The following B9D1 variants were observed in gnomAD, a reference collection of about 807,000 sequenced individuals.
The protein encoded by B9D1 is B9 domain-containing protein 1.
Under a neutral mutation model 26.1 loss-of-function variants are expected in B9D1, and 20 were observed. The ratio of observed to expected loss-of-function variants is 0.77; its 90% CI spans 0.54 to 1.12. B9D1 has a LOEUF of 1.12. Ranked by LOEUF, B9D1 falls within the 50% of genes most tolerant of loss-of-function variation. B9D1 has a pLI of 0.00. For missense variants in B9D1, 260 were observed against 273.7 expected (o/e 0.95, Z 0.35); for synonymous variants, 105 against 103.1 (o/e 1.02, Z -0.11).
chr17:19,360,420 G>C, intron 1 of B9D1, 32 bp from the exon 2 acceptor site: 3 of 1,599,844 alleles, frequency 1.9e-6, no homozygotes, highest in Non-Finnish European at 2.6e-6. Context: ...TCTGTCGACT[G>C]GTATTCATGC....
intron 3 of B9D1, among the ~76,000 whole-genome samples, chr17:19,352,869 T>C (rs1909815885): frequency 6.6e-6 from 1 of 152,174 alleles, no homozygotes; most frequent in Admixed American, 6.5e-5. Flanking sequence ...GGTTTCACCA[T>C]GTTGGCCAGG....
chr17:19,364,166 G>A (rs904080140), upstream of B9D1, among the ~76,000 whole-genome samples: 1 of 150,626 alleles, frequency 6.6e-6, no homozygotes, highest in Admixed American at 6.6e-5. The surrounding 1 kb of genome is among the most constrained non-coding windows in gnomAD (Gnocchi z 4.3). Context: ...GGGGCTCCCA[G>A]TAGTTTAAGA....
downstream of B9D1, chr17:19,342,946 G>GTGT (rs1908143895): frequency 2.4e-6 from 1 of 412,164 alleles, no homozygotes; most frequent in Non-Finnish European, 3.7e-6. Flanking sequence ...AAGGAACAAT[G>GTGT]TGTTGCGGTA....
At position 19,362,694 on chromosome 17, in the gene B9D1, G is replaced by T; in HGVS notation, c.-125C>A. 6.6e-7 allele frequency: 1 copy of T among 1,523,436 alleles called. No homozygotes were observed. The allele number at this position is 1,523,436 out of a possible 1,614,324, so 94.4% of individuals were successfully genotyped here. ...CGTTTCTTGGCAGCGACACCTTCGCGAAGGCCACGCGAGTGCGCGTGTGGC... is the reference window on the plus strand; with the variant it reads ...CGTTTCTTGGCAGCGACACCTTCGCTAAGGCCACGCGAGTGCGCGTGTGGC... On this transcript the variant is annotated 5_prime_UTR_variant, in exon 1 of 7. Coordinates refer to ENST00000261499, the MANE Select transcript of B9D1 (RefSeq NM_015681.6).
chr17:19,335,267 C>G, downstream of B9D1: 1 of 803,776 alleles, frequency 1.2e-6, no homozygotes, highest in South Asian at 2.4e-5. Context: ...AACTGATTGA[C>G]TTTCAGCCTT....
chr17:19,362,705 G>T lies in B9D1; in HGVS notation c.-136C>A. The T allele has an allele frequency of 2.0e-6, 3 of 1,527,884 alleles. No individual in the cohort carries two copies. Among genetic ancestry groups the T allele is most frequent in the South Asian group, 2.4e-5 (2 of 83,488 alleles). 94.6% of individuals were successfully genotyped at this position (1,527,884 alleles called of 1,614,324 possible). ...AGCGACACCTTCGCGAAGGCCACGC[G>T]AGTGCGCGTGTGGCATGCGCAGGCG... On this transcript the variant is annotated 5_prime_UTR_variant, in exon 1 of 7. It introduces an in-frame stop codon into an upstream open reading frame of the 5' UTR. Coordinates refer to ENST00000261499, the MANE Select transcript of B9D1 (RefSeq NM_015681.6).
At chr17:19,348,673 C>T (rs1909190159) in intron 3 of B9D1, among the ~76,000 whole-genome samples, 1 of 152,234 alleles carries the variant, frequency 6.6e-6, no homozygotes, top group Non-Finnish European at 1.5e-5. Context: ...GAAACTACCT[C>T]TTTACTTTTC....
At chr17:19,351,087 C>A (rs1021471605) in intron 3 of B9D1, among the ~76,000 whole-genome samples, 1 of 152,138 alleles carries the variant, frequency 6.6e-6, no homozygotes, top group South Asian at 2.1e-4. Context: ...GATCTGCCTG[C>A]CTCGGCCTCC....
Position 19,343,797 on chromosome 17 carries a change from G to T in B9D1, c.465C>A (p.Gly155=), listed in dbSNP as rs748971385. The change falls in exon 6 of 7, where the codon GGC becomes GGA. Residue 155 remains glycine (G), a synonymous_variant. Transcript: ENST00000261499. The part of the protein sequence containing the change: ...TDPKVVAQGE[G]REVTRVRSQG... ...GAGGGGAGGGAGCTTTACCTTCCCGGCCTTCACCCTGAGCCACCACCTTGG... is the reference window on the plus strand; with the variant it reads ...GAGGGGAGGGAGCTTTACCTTCCCGTCCTTCACCCTGAGCCACCACCTTGG... 6.2e-7 allele frequency: 1 copy of T among 1,613,356 alleles called. No individual in the cohort carries two copies. Among genetic ancestry groups the T allele is most frequent in the Non-Finnish European group, 8.5e-7 (1 of 1,179,448 alleles).
chr17:19,347,910 C>G lies in B9D1; in HGVS notation c.245-30G>C. ...GGAAGGACAAGGCAGGGGGTGGGCA[C>G]ATGAGGACACACAGGGGAGGTGCAG... is the stretch of plus-strand genomic sequence containing the variant. On this transcript the variant is annotated intron_variant, in intron 3 of 6. Coordinates refer to ENST00000261499, the MANE Select transcript of B9D1 (RefSeq NM_015681.6). The surrounding 1 kb of genome is among the most constrained non-coding windows in gnomAD (Gnocchi z 4.3). The G allele has an allele frequency of 6.3e-7, 1 of 1,589,006 alleles. No homozygotes were observed. The highest frequency in any genetic ancestry group is 8.6e-7 in the Non-Finnish European group (1 of 1,157,952).
chr17:19,344,063 C>T (rs1908363477), intron 5 of B9D1, among the ~76,000 whole-genome samples: 1 of 152,254 alleles, frequency 6.6e-6, no homozygotes, highest in Non-Finnish European at 1.5e-5. Flanking sequence ...GTCACACAGC[C>T]TAGCCAGGCC....
Position 19,347,012 on chromosome 17 carries a change from A to G in B9D1, c.404+257T>C. Reference sequence around the variant, plus strand: ...ATGAGCATTTTTCCCATCTGACAAGAGTTTTTCCTCTGCTCCCTCAGACAC... The same window carrying G: ...ATGAGCATTTTTCCCATCTGACAAGGGTTTTTCCTCTGCTCCCTCAGACAC... On this transcript the variant is annotated intron_variant, in intron 5 of 6. Coordinates refer to ENST00000261499, the MANE Select transcript of B9D1 (RefSeq NM_015681.6). The surrounding 1 kb of genome is among the most constrained non-coding windows in gnomAD (Gnocchi z 4.3). 2.6e-6 allele frequency: 4 copies of G among 1,541,986 alleles called. No homozygotes were observed. Among genetic ancestry groups the G allele is most frequent in the Non-Finnish European group, 3.5e-6 (4 of 1,144,348 alleles).
upstream of B9D1, among the ~76,000 whole-genome samples, chr17:19,365,521 A>G (rs867822987): frequency 3.3e-5 from 5 of 152,220 alleles, no homozygotes; most frequent in Admixed American, 1.3e-4. This position sits in a 1 kb window ranked among gnomAD's most constrained non-coding sequence, Gnocchi z 5.0. Context: ...TGGCCAAGCC[A>G]TTTGTCTGGG....
intron 1 of B9D1, among the ~76,000 whole-genome samples, chr17:19,361,446 G>A (rs964856983): frequency 4.6e-5 from 7 of 152,122 alleles, no homozygotes; most frequent in Non-Finnish European, 7.4e-5. Flanking sequence ...CTGAAAAGAG[G>A]GAGGTGCTGA....
Position 19,370,184 on chromosome 17 carries a change from T to G in B9D1, c.-298+7675A>C, listed in dbSNP as rs78876280. ...TGCAAGCCTTGGTGATGGATTTTAT[T>G]CCATGAGATGGGGCAGCTGTTGCAG... On this transcript the variant is annotated intron_variant, in intron 1 of 5. Transcript: ENST00000477478. The surrounding 1 kb of genome is among the most constrained non-coding windows in gnomAD (Gnocchi z 5.1). Among the ~76,000 whole-genome samples the G allele has an allele frequency of 6.5e-3, 992 of 152,346 alleles. 54 individuals carry two copies. The East Asian group carries it at 0.12, about 18-fold the overall frequency.
intron 3 of B9D1, among the ~76,000 whole-genome samples, chr17:19,349,903 T>C (rs1391462863): frequency 2.6e-5 from 4 of 152,200 alleles, no homozygotes; most frequent in Admixed American, 2.6e-4. Context: ...TTGACTTGTG[T>C]GTATGAGGAC....
intron 2 of B9D1, 28 bp from the exon 3 acceptor site, chr17:19,357,979 G>A (rs375799851): frequency 6.3e-7 from 1 of 1,579,498 alleles, no homozygotes; most frequent in Non-Finnish European, 8.7e-7. Flanking sequence ...CAGACGGCTG[G>A]ATTCAGAGCA....
chr17:19,361,165 C>G (rs1332868067), intron 1 of B9D1, among the ~76,000 whole-genome samples: 1 of 152,010 alleles, frequency 6.6e-6, no homozygotes, highest in Non-Finnish European at 1.5e-5. Flanking sequence ...CATCTAGTTG[C>G]AGGAAAGCAA....
At chr17:19,339,778 T>A (rs1907749322), downstream of B9D1, among the ~76,000 whole-genome samples, 1 of 152,172 alleles carries the variant, frequency 6.6e-6, no homozygotes, top group Admixed American at 6.5e-5. Flanking sequence ...GAGAAGTGCT[T>A]GTGTGACCCT....
Sources: allele counts gnomAD v4.1 joint callset (sites outside exome capture counted in the v4.1 genomes callset), GRCh38; gene constraint gnomAD v4.1.1; non-coding constraint Gnocchi (gnomAD v3.1); transcripts MANE v1.5; gene names NCBI Gene and HGNC (gene_info 2026-07-23, HGNC 2026-07-21).